GNAL: variants seen among roughly 807,000 people sequenced by gnomAD.
The protein encoded by GNAL is guanine nucleotide-binding protein G(olf) subunit alpha.
Under a neutral mutation model 55.1 loss-of-function variants are expected in GNAL, and 18 were observed. That is an observed-to-expected ratio of 0.33 (90% CI 0.23 to 0.48). The LOEUF is 0.48. GNAL is among the 20% of genes least tolerant of loss of function. The pLI is 0.99. For missense variants in GNAL, 412 were observed against 614.1 expected (o/e 0.67, Z 3.48); for synonymous variants, 253 against 237.0 (o/e 1.07, Z -0.62).
chr18:11,771,403 T>G (rs1349520671), intron 4 of GNAL, among the ~76,000 whole-genome samples: 1 of 151,578 alleles, frequency 6.6e-6, no homozygotes, highest in Non-Finnish European at 1.5e-5. Flanking sequence ...CAGTTTTATA[T>G]GAACAGGCAT....
intron 1 of GNAL, among the ~76,000 whole-genome samples, chr18:11,692,249 T>C (rs2031272662): frequency 6.6e-6 from 1 of 152,198 alleles, no homozygotes; most frequent in Non-Finnish European, 1.5e-5. Context: ...ATATTGAGTT[T>C]GAGAGGACTT....
At chr18:11,830,299 T>TTC (rs2035350396) in intron 5 of GNAL, among the ~76,000 whole-genome samples, 1 of 149,462 alleles carries the variant, frequency 6.7e-6, no homozygotes, top group Non-Finnish European at 1.5e-5. Flanking sequence ...TTTTTTTTTT[T>TTC]TTTTGAGGCG....
chr18:11,878,023 T>G (rs1046592499), intron 11 of GNAL, among the ~76,000 whole-genome samples: 1 of 152,250 alleles, frequency 6.6e-6, no homozygotes, highest in Non-Finnish European at 1.5e-5. Context: ...GAATTTAGTT[T>G]GTAATAGCTC....
intron 10 of GNAL, among the ~76,000 whole-genome samples, chr18:11,873,410 T>C (rs1172871048): frequency 6.6e-6 from 1 of 152,192 alleles, no homozygotes; most frequent in Non-Finnish European, 1.5e-5. Flanking sequence ...TGCTATCACC[T>C]GTGTCATAAA....
At chr18:11,800,681 AAGGGG>A (rs2034500430) in intron 4 of GNAL, among the ~76,000 whole-genome samples, 1 of 152,168 alleles carries the variant, frequency 6.6e-6, no homozygotes, top group Non-Finnish European at 1.5e-5. Flanking sequence ...AGAAATCAGG[AAGGGG>A]CCAGGCGGCC....
At chr18:11,720,945 C>G (rs2143402001) in intron 1 of GNAL, among the ~76,000 whole-genome samples, 1 of 152,296 alleles carries the variant, frequency 6.6e-6, no homozygotes, top group Non-Finnish European at 1.5e-5. Context: ...CATACAGATG[C>G]AATTTTACCT....
At chr18:11,865,011 C>T (rs1253062332) in intron 7 of GNAL, among the ~76,000 whole-genome samples, 1 of 152,106 alleles carries the variant, frequency 6.6e-6, no homozygotes, top group East Asian at 1.9e-4. Context: ...ATTTTGCTCC[C>T]TCATGATAAG....
intron 4 of GNAL, among the ~76,000 whole-genome samples, chr18:11,794,121 A>G (rs899493312): frequency 6.6e-6 from 1 of 152,232 alleles, no homozygotes; most frequent in Admixed American, 6.5e-5. Flanking sequence ...AAGGATGTCA[A>G]GAAATTGGAA....
chr18:11,697,147 G>C (rs1215453293), intron 1 of GNAL, among the ~76,000 whole-genome samples: 1 of 152,244 alleles, frequency 6.6e-6, no homozygotes, highest in East Asian at 1.9e-4. Flanking sequence ...ACAGCCCTCT[G>C]TGACTGAGCC....
intron 4 of GNAL, among the ~76,000 whole-genome samples, chr18:11,791,385 C>CG (rs1417088310): frequency 6.6e-6 from 1 of 152,172 alleles, no homozygotes; most frequent in Non-Finnish European, 1.5e-5. Context: ...GCAGTGAAGA[C>CG]GCCTGGGTTA....
chr18:11,699,952 A>T (rs1030164542), intron 1 of GNAL, among the ~76,000 whole-genome samples: 2 of 152,336 alleles, frequency 1.3e-5, no homozygotes, highest in Non-Finnish European at 2.9e-5. Context: ...GGCAGGGAGT[A>T]CATGGCAGCT....
chr18:11,807,032 G>A (rs183808943), intron 4 of GNAL, among the ~76,000 whole-genome samples: 12 of 152,128 alleles, frequency 7.9e-5, no homozygotes, highest in Admixed American at 1.3e-4. Context: ...GGTGGCGCAC[G>A]CCTGTAGTTC....
At chr18:11,705,445 G>A (rs941184203) in intron 1 of GNAL, among the ~76,000 whole-genome samples, 1 of 152,222 alleles carries the variant, frequency 6.6e-6, no homozygotes, top group Non-Finnish European at 1.5e-5. Flanking sequence ...TGGAGATTCT[G>A]ATTTCAGTTC....
chr18:11,782,655 A>G (rs763301201), intron 4 of GNAL, among the ~76,000 whole-genome samples: 24 of 152,178 alleles, frequency 1.6e-4, no homozygotes, highest in Admixed American at 1.2e-3. Context: ...GGAGGGGCTC[A>G]TGGGTGTTCC....
In GNAL at chr18:11,881,477, T is replaced by C. The variant is rs2036691039; in HGVS notation, c.*342T>C. 4.9e-6 allele frequency: 1 copy of C among 204,480 alleles called. No homozygotes were observed. The highest frequency in any genetic ancestry group is 1.1e-4 in the South Asian group (1 of 8,730). 12.7% of individuals were successfully genotyped at this position (204,480 alleles called of 1,614,324 possible). A position where few individuals can be genotyped will look rare whatever the true frequency, so the allele number is the denominator to read the frequency against. ...GGGGAGAAAACACAGTTGGTTTTTT[T>C]TTCCACGTTATCAACCGTGACTGCA... is the stretch of plus-strand genomic sequence containing the variant. On this transcript the variant is annotated 3_prime_UTR_variant, in exon 12 of 12. Transcript: ENST00000334049. This position sits in a 1 kb window ranked among gnomAD's most constrained non-coding sequence, Gnocchi z 4.8.
intron 4 of GNAL, among the ~76,000 whole-genome samples, chr18:11,758,088 G>A (rs2033120167): frequency 1.3e-5 from 2 of 152,186 alleles, no homozygotes; most frequent in Non-Finnish European, 2.9e-5. Context: ...ACTTGGTAAA[G>A]CAGGAGAAAA....
At chr18:11,710,804 T>A (rs1450568150) in intron 1 of GNAL, among the ~76,000 whole-genome samples, 1 of 152,192 alleles carries the variant, frequency 6.6e-6, no homozygotes, top group African/African-American at 2.4e-5. Context: ...AAGTTCCTTT[T>A]CTCTTGCTGC....
intron 4 of GNAL, among the ~76,000 whole-genome samples, chr18:11,769,802 T>C (rs2033576899): frequency 6.6e-6 from 1 of 152,116 alleles, no homozygotes; most frequent in Non-Finnish European, 1.5e-5. Context: ...ACTACAATCT[T>C]GCTTATCCTA....
intron 4 of GNAL, among the ~76,000 whole-genome samples, chr18:11,788,912 A>ATATATATAT (rs1485147640): frequency 6.4e-4 from 44 of 68,740 alleles, no homozygotes; most frequent in East Asian, 4.6e-3. Context: ...AAAAAAAAAA[A>ATATATATAT]AAATATATAT....
Sources: allele counts gnomAD v4.1 joint callset (sites outside exome capture counted in the v4.1 genomes callset), GRCh38; gene constraint gnomAD v4.1.1; non-coding constraint Gnocchi (gnomAD v3.1); transcripts MANE v1.5; gene names NCBI Gene and HGNC (gene_info 2026-07-23, HGNC 2026-07-21).